ZDHHC14: variants seen among roughly 807,000 people sequenced by gnomAD.
ZDHHC14 encodes the protein zDHHC palmitoyltransferase 14, also known as palmitoyltransferase ZDHHC14.
ZDHHC14 carries 16 observed loss-of-function variants against 47.7 expected under a neutral mutation model. The ratio of observed to expected loss-of-function variants is 0.34; its 90% CI spans 0.23 to 0.51. The LOEUF (loss-of-function observed/expected upper bound fraction) is 0.51. ZDHHC14 is among the 20% of genes least tolerant of loss of function. The pLI is 0.97. For synonymous variants in ZDHHC14, 293 were observed against 278.9 expected (o/e 1.05, Z -0.50); for missense variants, 515 against 662.5 (o/e 0.78, Z 2.44).
intron 7 of ZDHHC14, among the ~76,000 whole-genome samples, chr6:157,650,986 C>T (rs2114988890): frequency 6.6e-6 from 1 of 152,282 alleles, no homozygotes; most frequent in South Asian, 2.1e-4. Flanking sequence ...TTGCAGTTCC[C>T]TGATGGAGAC....
At chr6:157,466,909 A>G (rs997625636) in intron 1 of ZDHHC14, among the ~76,000 whole-genome samples, 3 of 152,110 alleles carry the variant, frequency 2.0e-5, no homozygotes, top group Admixed American at 6.5e-5. Flanking sequence ...AAACCTGGCA[A>G]TACTGGGCCT....
chr6:157,438,443 A>G (rs981169442), intron 1 of ZDHHC14, among the ~76,000 whole-genome samples: 4 of 152,254 alleles, frequency 2.6e-5, no homozygotes, highest in Non-Finnish European at 4.4e-5. Context: ...ACAGAAAATC[A>G]GCAAGACTCT....
At chr6:157,450,277 G>T (rs916104103) in intron 1 of ZDHHC14, among the ~76,000 whole-genome samples, 1 of 151,948 alleles carries the variant, frequency 6.6e-6, no homozygotes, top group Non-Finnish European at 1.5e-5. Context: ...TGGGTAAATA[G>T]TTATAAACAT....
At position 157,581,818 on chromosome 6, in the gene ZDHHC14, A is replaced by G. The variant is rs201429361; in HGVS notation, c.407-11170A>G. On this transcript the variant is annotated intron_variant, in intron 2 of 8. Coordinates refer to ENST00000359775, the MANE Select transcript of ZDHHC14 (RefSeq NM_024630.3). ...ATTTTGAGCCTATGGGTGTCACTGC[A>G]TGCGAGATGGGTCCCTTGAAGACAG... Among the ~76,000 whole-genome samples the G allele has an allele frequency of 2.6e-4, 40 of 152,098 alleles. No individual in the cohort carries two copies. The East Asian group carries it at 4.6e-3, about 18-fold the overall frequency.
At chr6:157,656,344 C>CTTTTTTTTTTT (rs139902125) in intron 8 of ZDHHC14, among the ~76,000 whole-genome samples, 11 of 150,048 alleles carry the variant, frequency 7.3e-5, no homozygotes, top group African/African-American at 2.2e-4. Context: ...CTTTTCTTTT[C>CTTTTTTTTTTT]TTTTTTTTGA....
At chr6:157,406,088 C>T (rs566154663) in intron 1 of ZDHHC14, among the ~76,000 whole-genome samples, 1 of 152,128 alleles carries the variant, frequency 6.6e-6, no homozygotes, top group Non-Finnish European at 1.5e-5. Flanking sequence ...TAATTCCTAG[C>T]GGGAGAGGTA....
intron 2 of ZDHHC14, among the ~76,000 whole-genome samples, chr6:157,545,454 A>T (rs1327075095): frequency 6.6e-6 from 1 of 152,146 alleles, no homozygotes; most frequent in Non-Finnish European, 1.5e-5. Flanking sequence ...AGGCAGGCAG[A>T]TCACGAGGTC....
At chr6:157,444,960 G>A (rs569047055) in intron 1 of ZDHHC14, among the ~76,000 whole-genome samples, 5 of 152,164 alleles carry the variant, frequency 3.3e-5, no homozygotes, top group African/African-American at 7.2e-5. Context: ...CAGAAGCTGG[G>A]CTCAAAACAT....
At chr6:157,542,767 T>C (rs755473548) in intron 2 of ZDHHC14, 22 bp downstream of exon 2, 13 of 1,611,326 alleles carry the variant, frequency 8.1e-6, no homozygotes, top group Non-Finnish European at 1.0e-5. Context: ...AGTCTGCCCA[T>C]GGCCTCTGGT....
At chr6:157,493,933 T>C (rs1340818218) in intron 1 of ZDHHC14, among the ~76,000 whole-genome samples, 2 of 152,162 alleles carry the variant, frequency 1.3e-5, no homozygotes, top group Non-Finnish European at 2.9e-5. Context: ...TCAGCTCAGC[T>C]CAAGGCCACA....
At chr6:157,549,163 T>C (rs1343910516) in intron 2 of ZDHHC14, among the ~76,000 whole-genome samples, 1 of 152,216 alleles carries the variant, frequency 6.6e-6, no homozygotes, top group Admixed American at 6.5e-5. Flanking sequence ...GAGGAAGCCA[T>C]GCTTGGCTCC....
chr6:157,569,848 A>G (rs1239743316), intron 2 of ZDHHC14, among the ~76,000 whole-genome samples: 1 of 151,972 alleles, frequency 6.6e-6, no homozygotes, highest in Non-Finnish European at 1.5e-5. Context: ...TTCAAAGGAG[A>G]CATTGTCTTC....
Position 157,672,981 on chromosome 6 carries a change from T to C in ZDHHC14, c.1326T>C (p.Asp442=). The change falls in exon 9 of 9, where the codon GAT becomes GAC. Residue 442 remains aspartate (D), a synonymous_variant. Transcript: ENST00000359775. ...TGGGCCACCAGTTCCTGACGCCCGA[T>C]GAGGCGCCCTCGCCCCCCAGGCTAC... The part of the protein sequence containing the change: ...EHMGHQFLTP[D]EAPSPPRLLA... The C allele has an allele frequency of 6.3e-7, 1 of 1,594,384 alleles. No individual in the cohort carries two copies. Among genetic ancestry groups the C allele is most frequent in the Non-Finnish European group, 8.5e-7 (1 of 1,174,334 alleles).
chr6:157,546,197 C>T (rs1440170239), intron 2 of ZDHHC14, among the ~76,000 whole-genome samples: 1 of 152,198 alleles, frequency 6.6e-6, no homozygotes, highest in Non-Finnish European at 1.5e-5. Context: ...TGATCTAACC[C>T]TTCATAAGGA....
chr6:157,606,669 T>C (rs1257775217), intron 3 of ZDHHC14, among the ~76,000 whole-genome samples: 1 of 152,168 alleles, frequency 6.6e-6, no homozygotes, highest in African/African-American at 2.4e-5. Flanking sequence ...AGCAGGCTCA[T>C]GGCCCTGGTG....
intron 1 of ZDHHC14, among the ~76,000 whole-genome samples, chr6:157,449,082 C>T (rs973466700): frequency 6.6e-6 from 1 of 152,200 alleles, no homozygotes; most frequent in Admixed American, 6.5e-5. Context: ...GCTTGCCCAC[C>T]TCAGGCACCC....
chr6:157,486,259 C>G (rs1329933943), intron 1 of ZDHHC14, among the ~76,000 whole-genome samples: 2 of 152,112 alleles, frequency 1.3e-5, no homozygotes, highest in Non-Finnish European at 2.9e-5. Flanking sequence ...GTCACTACAC[C>G]GGTACCTGTG....
At chr6:157,428,450 A>C (rs559156545) in intron 1 of ZDHHC14, among the ~76,000 whole-genome samples, 1 of 152,292 alleles carries the variant, frequency 6.6e-6, no homozygotes, top group Non-Finnish European at 1.5e-5. Context: ...AGTAATTGAG[A>C]GTAAAAATTC....
chr6:157,527,350 G>A (rs1009173299), intron 1 of ZDHHC14, among the ~76,000 whole-genome samples: 1 of 152,194 alleles, frequency 6.6e-6, no homozygotes, highest in Non-Finnish European at 1.5e-5. Context: ...AACAGGAATA[G>A]TTGATATTCC....
Sources: gnomAD v4.1 joint callset for allele counts (sites outside exome capture counted in the v4.1 genomes callset) on GRCh38, gnomAD v4.1.1 for gene constraint, MANE v1.5 for transcripts, NCBI Gene and HGNC (gene_info 2026-07-23, HGNC 2026-07-21) for gene names.